Variants in DLGAP2 observed in about 807,000 individuals in gnomAD.
The protein encoded by DLGAP2 is DLG associated protein 2, also known as disks large-associated protein 2.
In DLGAP2, 26 loss-of-function variants were observed where a neutral mutation model predicts 100.3. The observed-to-expected ratio is 0.26, with a 90% CI of 0.19 to 0.36. The LOEUF is 0.36. Among genes scored for constraint, DLGAP2 ranks in the 10% least tolerant of loss-of-function variants. The pLI is 1.00. For synonymous variants in DLGAP2, 886 were observed against 630.1 expected (o/e 1.41, Z -6.08); for missense variants, 1,858 against 1,453.2 (o/e 1.28, Z -4.53).
intron 12 of DLGAP2, among the ~76,000 whole-genome samples, chr8:1,689,366 A>T (rs1799198049): frequency 6.6e-6 from 1 of 152,130 alleles, no homozygotes; most frequent in African/African-American, 2.4e-5. Flanking sequence ...TCTAGGCAAA[A>T]CCTCCAGCAC....
At chr8:999,783 G>T (rs116536578) in intron 2 of DLGAP2, among the ~76,000 whole-genome samples, 1 of 152,180 alleles carries the variant, frequency 6.6e-6, no homozygotes, top group Non-Finnish European at 1.5e-5. Flanking sequence ...CCGGCTGGTG[G>T]TGTGGTTTTA....
intron 6 of DLGAP2, among the ~76,000 whole-genome samples, chr8:1,569,112 A>C (rs2130589435): frequency 7.5e-6 from 1 of 134,040 alleles, no homozygotes; most frequent in African/African-American, 2.9e-5. Context: ...GCCACTGCCC[A>C]CTCACCAGAC....
chr8:1,570,203 T>C (rs144097642), intron 6 of DLGAP2, among the ~76,000 whole-genome samples: 4 of 152,236 alleles, frequency 2.6e-5, no homozygotes, highest in African/African-American at 9.6e-5. Context: ...GGGAGGCACA[T>C]ACACATCCAT....
At chr8:1,021,709 G>C (rs1801627722) in intron 2 of DLGAP2, among the ~76,000 whole-genome samples, 1 of 152,170 alleles carries the variant, frequency 6.6e-6, no homozygotes, top group Non-Finnish European at 1.5e-5. Context: ...ACTTCCCTGG[G>C]AAAGGTGGGG....
At chr8:1,194,846 C>A (rs1797715367) in intron 2 of DLGAP2, among the ~76,000 whole-genome samples, 1 of 152,198 alleles carries the variant, frequency 6.6e-6, no homozygotes, top group African/African-American at 2.4e-5. Context: ...GGCCAGGGTT[C>A]TTCGCTCAGT....
At chr8:1,173,527 G>A (rs531804466) in intron 2 of DLGAP2, among the ~76,000 whole-genome samples, 1 of 152,288 alleles carries the variant, frequency 6.6e-6, no homozygotes, top group South Asian at 2.1e-4. Flanking sequence ...GAGCTGTGGT[G>A]GGCTCCACCC....
chr8:1,232,834 G>GC (rs1258119939), intron 2 of DLGAP2, among the ~76,000 whole-genome samples: 1 of 152,180 alleles, frequency 6.6e-6, no homozygotes, highest in Non-Finnish European at 1.5e-5. Context: ...TTTGAAGTGT[G>GC]CGAGCCAGTG....
At chr8:1,003,443 A>G (rs1426041933) in intron 2 of DLGAP2, 2 of 152,228 alleles carry the variant, frequency 1.3e-5, no homozygotes, top group Non-Finnish European at 2.9e-5. Flanking sequence ...TTAAAGGCTA[A>G]TATATCCATG....
intron 5 of DLGAP2, among the ~76,000 whole-genome samples, chr8:1,550,197 C>A (rs1204450774): frequency 6.6e-6 from 1 of 152,220 alleles, no homozygotes; most frequent in Admixed American, 6.5e-5. Flanking sequence ...TGGCAGATCT[C>A]CTTCTTTCAA....
At chr8:1,152,972 G>T (rs1796721294) in intron 2 of DLGAP2, among the ~76,000 whole-genome samples, 1 of 152,114 alleles carries the variant, frequency 6.6e-6, no homozygotes, top group Non-Finnish European at 1.5e-5. Context: ...GATGTATTTG[G>T]CACTATTAAT....
intron 2 of DLGAP2, among the ~76,000 whole-genome samples, chr8:1,224,875 G>A (rs767109347): frequency 1.8e-4 from 27 of 152,194 alleles, no homozygotes; most frequent in Non-Finnish European, 1.2e-4. Flanking sequence ...AGTCAAAACC[G>A]CAGTGAACTG....
chr8:1,595,237 T>G (rs1242332673), intron 6 of DLGAP2, among the ~76,000 whole-genome samples: 1 of 152,034 alleles, frequency 6.6e-6, no homozygotes, highest in Non-Finnish European at 1.5e-5. Context: ...GACAGGGTTT[T>G]GCCATGTTTC....
At chr8:1,222,069 C>T (rs1798324811) in intron 2 of DLGAP2, among the ~76,000 whole-genome samples, 1 of 152,172 alleles carries the variant, frequency 6.6e-6, no homozygotes, top group Admixed American at 6.5e-5. Context: ...ATTCTGAATT[C>T]CATGTCTGTT....
rs192109782 is a variant in DLGAP2 at position 941,996 on chromosome 8, A to G, written c.73+34030A>G. 1.7e-3 allele frequency among the ~76,000 whole-genome samples: 260 copies of G among 152,204 alleles called. 3 individuals are homozygous for G. The highest frequency in any genetic ancestry group is 6.2e-3 in the African/African-American group (256 of 41,530). ...ATGTTTTTGTTGTCTCTCTTTAAAAAATGGTCTTTTTTTGTAGAGATGGGC... is the reference window on the plus strand; with the variant it reads ...ATGTTTTTGTTGTCTCTCTTTAAAAGATGGTCTTTTTTTGTAGAGATGGGC... On this transcript the variant is annotated intron_variant, in intron 2 of 14. Transcript: ENST00000637795.
At chr8:1,408,637 C>A (rs1162914039) in intron 3 of DLGAP2, among the ~76,000 whole-genome samples, 7 of 152,190 alleles carry the variant, frequency 4.6e-5, no homozygotes, top group Non-Finnish European at 1.0e-4. Context: ...TGGATTCACG[C>A]ATAACTTTGA....
intron 2 of DLGAP2, among the ~76,000 whole-genome samples, chr8:1,187,319 T>A (rs1797526963): frequency 6.8e-6 from 1 of 146,774 alleles, no homozygotes; most frequent in African/African-American, 2.6e-5. Context: ...TCTGTGACAT[T>A]TCCCTCACAC....
intron 8 of DLGAP2, among the ~76,000 whole-genome samples, chr8:1,663,010 G>A (rs563669676): frequency 1.3e-5 from 2 of 149,730 alleles, no homozygotes; most frequent in South Asian, 4.2e-4. Flanking sequence ...GGGTGTGTGT[G>A]TGTGTATACC....
At chr8:1,368,634 T>G (rs931589737) in intron 3 of DLGAP2, 40 of 152,334 alleles carry the variant, frequency 2.6e-4, no homozygotes, top group South Asian at 1.9e-3. Context: ...CTAAGATGTT[T>G]ATGAGTCTTT....
At chr8:1,448,535 G>C (rs1199478062) in intron 3 of DLGAP2, among the ~76,000 whole-genome samples, 1 of 152,098 alleles carries the variant, frequency 6.6e-6, no homozygotes, top group Non-Finnish European at 1.5e-5. Flanking sequence ...AATAGGTGTG[G>C]TGTGGTGCTG....
Sources: gnomAD v4.1 joint callset for allele counts (sites outside exome capture counted in the v4.1 genomes callset) on GRCh38, gnomAD v4.1.1 for gene constraint, MANE v1.5 for transcripts, NCBI Gene and HGNC (gene_info 2026-07-23, HGNC 2026-07-21) for gene names.